Variants in MGAT4A observed in about 807,000 individuals in gnomAD.
MGAT4A encodes alpha-1,3-mannosyl-glycoprotein 4-beta-N-acetylglucosaminyltransferase A.
MGAT4A carries 33 observed loss-of-function variants against 74.1 expected under a neutral mutation model. That is an observed-to-expected ratio of 0.45 (90% CI 0.34 to 0.60). The LOEUF (loss-of-function observed/expected upper bound fraction) is 0.60. Ranked by LOEUF, MGAT4A falls within the 20% of genes least tolerant of loss-of-function variation. MGAT4A has a pLI of 0.02. For synonymous variants in MGAT4A, 198 were observed against 210.4 expected, an observed-to-expected ratio of 0.94 and a Z score of 0.51; for missense variants, 479 against 628.3, an observed-to-expected ratio of 0.76 and a Z score of 2.54.
chr2:98,680,263 C>T (rs1200962111), intron 2 of MGAT4A, among the ~76,000 whole-genome samples: 2 of 152,092 alleles, frequency 1.3e-5, no homozygotes, highest in African/African-American at 4.8e-5. Flanking sequence ...AGGCTGGTCT[C>T]GAACTCCTGA....
chr2:98,670,541 C>T (rs750503994), intron 4 of MGAT4A, among the ~76,000 whole-genome samples: 8 of 152,208 alleles, frequency 5.3e-5, no homozygotes, highest in Non-Finnish European at 1.0e-4. Context: ...CATTCTCAAT[C>T]TTCAGTAACT....
At chr2:98,723,037 T>C (rs1175271740) in intron 2 of MGAT4A, among the ~76,000 whole-genome samples, 3 of 152,250 alleles carry the variant, frequency 2.0e-5, no homozygotes, top group Non-Finnish European at 4.4e-5. Context: ...CTCATTTTTA[T>C]GTGGGAATCC....
In MGAT4A at chr2:98,683,820, A is replaced by T. The variant is rs534514250; in HGVS notation, c.95-5349T>A. ...TGAGGGGAACTGTCCATGCTTTTGG[A>T]AAGTTAGCTTAGAAAAAGTCCCTGG... On this transcript the variant is annotated intron_variant, in intron 2 of 15. Transcript: ENST00000393487. Among the ~76,000 whole-genome samples the T allele has an allele frequency of 2.6e-5, 4 of 152,276 alleles. No individual in the cohort carries two copies. In the South Asian group the frequency reaches 8.3e-4, roughly 32 times the overall value.
At chr2:98,643,784 T>C in intron 10 of MGAT4A, 139 bp downstream of exon 10, 1 of 770,594 alleles carries the variant, frequency 1.3e-6, no homozygotes, top group Non-Finnish European at 1.8e-6. Flanking sequence ...GTTCTTCTAA[T>C]ATAGAAACTT....
rs1049295254 is a variant in MGAT4A, at chr2:98,625,369, T to C, written c.*197A>G. 1 of 1,385,328 alleles carries C rather than the reference T, an allele frequency of 7.2e-7. No individual in the cohort carries two copies. Among genetic ancestry groups the C allele is most frequent in the Non-Finnish European group, 9.4e-7 (1 of 1,068,800 alleles). 85.8% of individuals were successfully genotyped at this position (1,385,328 alleles called of 1,614,324 possible). On this transcript the variant is annotated 3_prime_UTR_variant, in exon 16 of 16. Coordinates refer to ENST00000393487, the MANE Select transcript of MGAT4A (RefSeq NM_012214.3). ...TAATTGAAAAATGTTTGAGTCAAGT[T>C]AAAATCTGAGGACAGCTTAGTTTCA... is the stretch of plus-strand genomic sequence containing the variant.
chr2:98,660,721 C>A (rs1274326093), intron 5 of MGAT4A, among the ~76,000 whole-genome samples: 1 of 152,038 alleles, frequency 6.6e-6, no homozygotes, highest in African/African-American at 2.4e-5. Context: ...ACTGGATATC[C>A]ACATACAGAT....
intron 2 of MGAT4A, among the ~76,000 whole-genome samples, chr2:98,700,846 G>A (rs984092408): frequency 1.4e-4 from 21 of 149,526 alleles, no homozygotes; most frequent in African/African-American, 4.9e-4. Flanking sequence ...AGCCGAGATC[G>A]CGCCACTACA....
intron 6 of MGAT4A, among the ~76,000 whole-genome samples, chr2:98,657,687 AT>A (rs1253933473): frequency 1.3e-5 from 2 of 152,212 alleles, no homozygotes; most frequent in African/African-American, 2.4e-5. Flanking sequence ...GACTAATTTT[AT>A]TACGCTATTG....
At position 98,656,389 on chromosome 2, in the gene MGAT4A, G is replaced by C. The variant is rs1338888974; in HGVS notation, c.661C>G (p.Leu221Val). The C allele has an allele frequency of 1.9e-6, 3 of 1,611,254 alleles. No homozygotes were observed. Among genetic ancestry groups the C allele is most frequent in the Admixed American group, 1.7e-5 (1 of 59,678 alleles). Reference sequence around the variant, plus strand: ...TTGGAGTCTCCAAATGTCTCCTTTAGGTTTGTCAAGTCAGGATAATAGCTT... The same window carrying C: ...TTGGAGTCTCCAAATGTCTCCTTTACGTTTGTCAAGTCAGGATAATAGCTT... ...PESYYPDLTN[L>V]KETFGDSKER... Residue 221 changes from leucine to valine, a missense_variant, in exon 7 of 16, where the codon CTA (leucine) becomes GTA (valine). Leu to Val is a conservative substitution (Grantham distance 32, BLOSUM62 1). Coordinates refer to ENST00000393487, the MANE Select transcript of MGAT4A (RefSeq NM_012214.3).
chr2:98,646,853 G>A (rs1575248749), intron 8 of MGAT4A, among the ~76,000 whole-genome samples: 1 of 152,170 alleles, frequency 6.6e-6, no homozygotes, highest in Non-Finnish European at 1.5e-5. Flanking sequence ...ATAATGCTGG[G>A]GTTTGGGCTT....
intron 2 of MGAT4A, among the ~76,000 whole-genome samples, chr2:98,706,339 T>C (rs1255158438): frequency 6.6e-6 from 1 of 152,058 alleles, no homozygotes; most frequent in Admixed American, 6.6e-5. Context: ...CCGAGGTGTG[T>C]CCCTCCGCAG....
At chr2:98,653,645 A>G (rs949486603) in intron 8 of MGAT4A, among the ~76,000 whole-genome samples, 3 of 152,164 alleles carry the variant, frequency 2.0e-5, no homozygotes, top group African/African-American at 7.2e-5. Flanking sequence ...CTTTGAACAC[A>G]CTTATAATAA....
intron 2 of MGAT4A, among the ~76,000 whole-genome samples, chr2:98,691,030 C>T (rs189256195): frequency 7.2e-5 from 11 of 152,178 alleles, no homozygotes; most frequent in Admixed American, 7.2e-4. Flanking sequence ...CTGCTATCAT[C>T]AGCAACACAG....
At chr2:98,664,723 T>C (rs917654514) in intron 4 of MGAT4A, among the ~76,000 whole-genome samples, 1 of 152,200 alleles carries the variant, frequency 6.6e-6, no homozygotes, top group Non-Finnish European at 1.5e-5. Flanking sequence ...TCATTTAACT[T>C]GCGAAAAACT....
At chr2:98,692,893 T>C (rs1048843261) in intron 2 of MGAT4A, among the ~76,000 whole-genome samples, 2 of 152,092 alleles carry the variant, frequency 1.3e-5, no homozygotes, top group Non-Finnish European at 2.9e-5. Flanking sequence ...CTTGGAGAAA[T>C]AATAGCTAGA....
intron 4 of MGAT4A, among the ~76,000 whole-genome samples, chr2:98,669,636 A>G (rs764311145): frequency 6.6e-6 from 1 of 152,220 alleles, no homozygotes; most frequent in Non-Finnish European, 1.5e-5. Context: ...AGCACTAAAC[A>G]TGAAACTTGT....
intron 4 of MGAT4A, among the ~76,000 whole-genome samples, chr2:98,665,068 G>A (rs977656653): frequency 3.3e-5 from 5 of 152,084 alleles, no homozygotes; most frequent in African/African-American, 7.2e-5. Flanking sequence ...GGTGGCTCAT[G>A]CCTGTAATCC....
chr2:98,621,256 G>A lies in MGAT4A; in HGVS notation c.*4310C>T. 1 of 973,222 alleles carries A rather than the reference G, an allele frequency of 1.0e-6. No homozygotes were observed. The highest frequency in any genetic ancestry group is 3.4e-5 in the Admixed American group (1 of 29,754). 60.3% of individuals were successfully genotyped at this position (973,222 alleles called of 1,614,324 possible). On this transcript the variant is annotated 3_prime_UTR_variant, in exon 16 of 16. Transcript: ENST00000393487. ...CTGGATTCAAAGTGTTGGCCAGGCT[G>A]GGTCTTATCTGGAGACTGGAGATGA...
At chr2:98,648,057 T>C (rs1430512620) in intron 8 of MGAT4A, among the ~76,000 whole-genome samples, 1 of 152,208 alleles carries the variant, frequency 6.6e-6, no homozygotes, top group Admixed American at 6.5e-5. Context: ...CTGAGAACTT[T>C]TTAGGCTAAT....
Sources: allele counts gnomAD v4.1 joint callset (sites outside exome capture counted in the v4.1 genomes callset), GRCh38; gene constraint gnomAD v4.1.1; transcripts MANE v1.5; gene names NCBI Gene and HGNC (gene_info 2026-07-23, HGNC 2026-07-21).